PLCL1: variants seen among roughly 807,000 people sequenced by gnomAD.
PLCL1 encodes phospholipase C like 1 (inactive).
In PLCL1, 41 loss-of-function variants were observed where a neutral mutation model predicts 84.4. The ratio of observed to expected loss-of-function variants is 0.49; its 90% CI spans 0.38 to 0.63. The LOEUF is 0.63. PLCL1 is among the 30% of genes least tolerant of loss of function. PLCL1 has a pLI of 0.00. For missense variants in PLCL1, 1,206 were observed against 1,367.8 expected, an observed-to-expected ratio of 0.88 and a Z score of 1.87; for synonymous variants, 490 against 488.3, an observed-to-expected ratio of 1.00 and a Z score of -0.05.
intron 1 of PLCL1, among the ~76,000 whole-genome samples, chr2:197,928,669 G>A (rs906715749): frequency 6.6e-6 from 1 of 152,168 alleles, no homozygotes; most frequent in Non-Finnish European, 1.5e-5. Flanking sequence ...AATGATGGAA[G>A]TGTATCCTTG....
chr2:197,947,507 T>C (rs1465069691), intron 1 of PLCL1, among the ~76,000 whole-genome samples: 1 of 151,982 alleles, frequency 6.6e-6, no homozygotes, highest in African/African-American at 2.4e-5. Context: ...AGAGGTGATA[T>C]TTGGTTAGAG....
intron 1 of PLCL1, among the ~76,000 whole-genome samples, chr2:198,039,868 G>T (rs1268970033): frequency 6.6e-6 from 1 of 152,122 alleles, no homozygotes; most frequent in Non-Finnish European, 1.5e-5. Context: ...TTTTTCAGCT[G>T]CTATGTTCTA....
At chr2:197,846,443 T>G (rs1228327610) in intron 1 of PLCL1, among the ~76,000 whole-genome samples, 3 of 152,128 alleles carry the variant, frequency 2.0e-5, no homozygotes, top group East Asian at 3.9e-4. Context: ...GGTTTCTGTC[T>G]GAGTATTCAG....
chr2:198,069,173 T>A (rs971082003), intron 1 of PLCL1, among the ~76,000 whole-genome samples: 1 of 151,922 alleles, frequency 6.6e-6, no homozygotes, highest in Non-Finnish European at 1.5e-5. Context: ...TTTTTTTTTT[T>A]TTTAAAGTGA....
At chr2:198,093,940 A>G (rs1693121618) in intron 3 of PLCL1, among the ~76,000 whole-genome samples, 1 of 152,176 alleles carries the variant, frequency 6.6e-6, no homozygotes, top group Non-Finnish European at 1.5e-5. Flanking sequence ...TTAGCTTTCC[A>G]TATTTATTAC....
At position 198,026,625 on chromosome 2, in the gene PLCL1, A is replaced by T. The variant is rs558748280; in HGVS notation, c.241-57133A>T. Among the ~76,000 whole-genome samples, 3 of 152,344 alleles carry T rather than the reference A, an allele frequency of 2.0e-5. No homozygotes were observed. The South Asian group carries it at 6.2e-4, about 32-fold the overall frequency. On this transcript the variant is annotated intron_variant, in intron 1 of 5. Coordinates refer to ENST00000428675, the MANE Select transcript of PLCL1 (RefSeq NM_006226.4). The stretch of plus-strand genomic sequence containing the variant: ...TTTAGTAATTCTCTTAAAAATATCC[A>T]ATTTATATAAGGAACTCAATTAACT...
chr2:197,839,573 G>A (rs536841503), intron 1 of PLCL1, among the ~76,000 whole-genome samples: 207 of 152,300 alleles, frequency 1.4e-3, no homozygotes, highest in African/African-American at 2.5e-3. Context: ...CTGCTGTGCC[G>A]TGCAGTTTCT....
At chr2:197,887,114 G>A (rs114659664) in intron 1 of PLCL1, among the ~76,000 whole-genome samples, 1,829 of 152,206 alleles carry the variant, frequency 0.012, 38 homozygotes, top group African/African-American at 0.041. Context: ...AATTTCTTGC[G>A]TATCTTTCCA....
chr2:198,049,500 G>GT (rs1469925867), intron 1 of PLCL1, among the ~76,000 whole-genome samples: 3 of 152,130 alleles, frequency 2.0e-5, no homozygotes, highest in African/African-American at 7.2e-5. Flanking sequence ...TGGACTTTGA[G>GT]TGTTAGTGTT....
chr2:197,928,215 C>T (rs529006166), intron 1 of PLCL1, among the ~76,000 whole-genome samples: 18 of 152,236 alleles, frequency 1.2e-4, no homozygotes, highest in Admixed American at 2.0e-4. Context: ...TGTATTAGCT[C>T]TTCACTTTGG....
At chr2:197,915,670 T>C (rs1368854790) in intron 1 of PLCL1, among the ~76,000 whole-genome samples, 1 of 152,126 alleles carries the variant, frequency 6.6e-6, no homozygotes, top group Non-Finnish European at 1.5e-5. Flanking sequence ...TCAGGAAGGA[T>C]TTCAGACAAC....
intron 1 of PLCL1, among the ~76,000 whole-genome samples, chr2:197,957,105 C>A (rs1689511211): frequency 6.6e-6 from 1 of 151,988 alleles, no homozygotes; most frequent in South Asian, 2.1e-4. Flanking sequence ...TCAAGTCAAG[C>A]CCAACTATTC....
In PLCL1 at chr2:198,101,376, T is replaced by G; in HGVS notation, c.2995+16T>G. 7.0e-7 allele frequency: 1 copy of G among 1,422,446 alleles called. No homozygotes were observed. Among genetic ancestry groups the G allele is most frequent in the Non-Finnish European group, 9.7e-7 (1 of 1,034,454 alleles). The allele number at this position is 1,422,446 out of a possible 1,614,324, so 88.1% of individuals were successfully genotyped here. On this transcript the variant is annotated intron_variant, in intron 4 of 5. Coordinates refer to ENST00000428675, the MANE Select transcript of PLCL1 (RefSeq NM_006226.4). ...CAGAAAGCAGGTAATTGTTTTTAAT[T>G]TTTTTTTCTGTTTTTTTTTTCTATT... is the stretch of plus-strand genomic sequence containing the variant.
chr2:197,905,771 G>A (rs1394334651), intron 1 of PLCL1, among the ~76,000 whole-genome samples: 1 of 152,142 alleles, frequency 6.6e-6, no homozygotes, highest in Non-Finnish European at 1.5e-5. Flanking sequence ...TCTAACTGGC[G>A]TGAGATGGTA....
At chr2:198,124,547 TC>T (rs1490096476) in intron 5 of PLCL1, among the ~76,000 whole-genome samples, 7 of 152,058 alleles carry the variant, frequency 4.6e-5, no homozygotes, top group Non-Finnish European at 7.4e-5. Flanking sequence ...TTAGTCATAG[TC>T]CTGGGAAATT....
chr2:198,045,504 C>A (rs1691765581), intron 1 of PLCL1, among the ~76,000 whole-genome samples: 1 of 152,158 alleles, frequency 6.6e-6, no homozygotes, highest in Non-Finnish European at 1.5e-5. Flanking sequence ...ATTATCTTAA[C>A]TGTGGAAATA....
chr2:197,849,512 A>C (rs1687185816), intron 1 of PLCL1, among the ~76,000 whole-genome samples: 1 of 152,246 alleles, frequency 6.6e-6, no homozygotes, highest in South Asian at 2.1e-4. Flanking sequence ...TAATGATTAA[A>C]GTAATTGTGA....
At chr2:197,834,465 A>G (rs1453722796) in intron 1 of PLCL1, among the ~76,000 whole-genome samples, 1 of 152,216 alleles carries the variant, frequency 6.6e-6, no homozygotes, top group African/African-American at 2.4e-5. Context: ...AGAAAAAAAC[A>G]ACCCCATCAA....
chr2:198,028,731 C>A (rs150188910), intron 1 of PLCL1, among the ~76,000 whole-genome samples: 286 of 152,236 alleles, frequency 1.9e-3, no homozygotes, highest in African/African-American at 6.6e-3. Context: ...TCACCAAGTT[C>A]TCTAGCTTTT....
Sources: allele counts gnomAD v4.1 joint callset (sites outside exome capture counted in the v4.1 genomes callset), GRCh38; gene constraint gnomAD v4.1.1; transcripts MANE v1.5; gene names NCBI Gene and HGNC (gene_info 2026-07-23, HGNC 2026-07-21).